Variants in PPFIBP1 observed in about 807,000 individuals in gnomAD.
PPFIBP1 encodes liprin-beta-1.
In PPFIBP1, 112 loss-of-function variants were observed where a neutral mutation model predicts 137.8. The observed-to-expected ratio is 0.81, with a 90% CI of 0.70 to 0.95. The LOEUF is 0.95. Among genes scored for constraint, PPFIBP1 ranks in the 40% least tolerant of loss-of-function variants. The pLI, the probability that PPFIBP1 is intolerant of heterozygous loss-of-function variation, is 0.00. For missense variants in PPFIBP1, 1,083 were observed against 1,196.6 expected (o/e 0.91, Z 1.40); for synonymous variants, 378 against 417.3 (o/e 0.91, Z 1.15).
intron 2 of PPFIBP1, among the ~76,000 whole-genome samples, chr12:27,602,995 G>A (rs188702702): frequency 2.0e-4 from 31 of 152,208 alleles, no homozygotes; most frequent in East Asian, 1.5e-3. Context: ...CAAATTGTTC[G>A]TATAGCTGCC....
chr12:27,613,379 A>G (rs1446619530), intron 2 of PPFIBP1, among the ~76,000 whole-genome samples: 1 of 152,182 alleles, frequency 6.6e-6, no homozygotes, highest in Non-Finnish European at 1.5e-5. Context: ...TAGATATGCT[A>G]TCAGAGCTTA....
chr12:27,585,479 C>T (rs2051627777), intron 2 of PPFIBP1, among the ~76,000 whole-genome samples: 1 of 152,108 alleles, frequency 6.6e-6, no homozygotes, highest in Non-Finnish European at 1.5e-5. Flanking sequence ...AGATGTTATC[C>T]GTTTAAATTA....
rs757687478 is a variant in PPFIBP1, at chr12:27,682,668, C to T, written c.2212C>T (p.Arg738Trp). The change falls in exon 24 of 30, where the codon CGG (arginine) becomes TGG (tryptophan). Residue 738 changes from arginine to tryptophan, a missense_variant. By Grantham distance (101) the Arg-to-Trp change is moderately radical. Coordinates refer to ENST00000228425, the MANE Select transcript of PPFIBP1 (RefSeq NM_003622.4). Reference protein sequence around the residue: ...PQYKTQFDEGRVDGRMLHYMT... With the variant: ...PQYKTQFDEGWVDGRMLHYMT... ...ATATAAGACCCAGTTTGATGAAGGACGGGTTGATGGTCGAATGCTACATTA... is the reference window on the plus strand; with the variant it reads ...ATATAAGACCCAGTTTGATGAAGGATGGGTTGATGGTCGAATGCTACATTA... The T allele has an allele frequency of 2.0e-5, 32 of 1,613,910 alleles. No individual in the cohort carries two copies. Among genetic ancestry groups the T allele is most frequent in the South Asian group, 1.1e-4 (10 of 91,084 alleles).
intron 1 of PPFIBP1, among the ~76,000 whole-genome samples, chr12:27,527,504 A>C (rs1943908619): frequency 6.6e-6 from 1 of 152,040 alleles, no homozygotes; most frequent in Non-Finnish European, 1.5e-5. Context: ...TGACCTCCCA[A>C]AGTGCTAGGA....
In PPFIBP1 at chr12:27,577,160, C is replaced by T. The variant is rs549334745; in HGVS notation, c.-123-992C>T. Among the ~76,000 whole-genome samples the T allele has an allele frequency of 5.9e-5, 9 of 152,046 alleles. No individual in the cohort carries two copies. In the South Asian group the frequency reaches 1.3e-3, roughly 21 times the overall value. ...CACACCCCCATTCATTCCTGAAATG[C>T]CATAGCCAGTAATGCATTTTATTTC... On this transcript the variant is annotated intron_variant, in intron 1 of 29. Transcript: ENST00000228425.
intron 2 of PPFIBP1, among the ~76,000 whole-genome samples, chr12:27,614,712 A>G (rs1292514014): frequency 6.6e-6 from 1 of 152,226 alleles, no homozygotes; most frequent in Non-Finnish European, 1.5e-5. Flanking sequence ...CCTGCAATGC[A>G]ATAGAGCTTT....
intron 1 of PPFIBP1, among the ~76,000 whole-genome samples, chr12:27,533,062 G>A (rs1025942213): frequency 6.6e-6 from 1 of 152,106 alleles, no homozygotes; most frequent in Non-Finnish European, 1.5e-5. Flanking sequence ...GAGAGCAGTG[G>A]CTATTCACAG....
At chr12:27,673,122 T>A (rs1020755546) in intron 15 of PPFIBP1, among the ~76,000 whole-genome samples, 7 of 152,218 alleles carry the variant, frequency 4.6e-5, no homozygotes, top group African/African-American at 1.7e-4. Context: ...TCTCTGTCAC[T>A]CTCTCTAAAC....
At chr12:27,591,478 G>A (rs1366458619) in intron 2 of PPFIBP1, among the ~76,000 whole-genome samples, 2 of 152,162 alleles carry the variant, frequency 1.3e-5, no homozygotes, top group Non-Finnish European at 2.9e-5. Flanking sequence ...ACTTGGTTAA[G>A]ATTTACTGAA....
At chr12:27,647,175 A>G (rs2058566152) in intron 5 of PPFIBP1, among the ~76,000 whole-genome samples, 1 of 151,854 alleles carries the variant, frequency 6.6e-6, no homozygotes, top group Non-Finnish European at 1.5e-5. Flanking sequence ...CTAATTTTGT[A>G]TTTTTAGTAG....
intron 4 of PPFIBP1, chr12:27,635,404 C>T (rs919342673): frequency 5.4e-6 from 3 of 552,018 alleles, no homozygotes; most frequent in Non-Finnish European, 9.6e-6. Context: ...ATCAAATAGT[C>T]CTGTAAGGGA....
chr12:27,527,590 A>G (rs1382296621), intron 1 of PPFIBP1, among the ~76,000 whole-genome samples: 2 of 152,118 alleles, frequency 1.3e-5, no homozygotes, highest in Non-Finnish European at 2.9e-5. Context: ...AGTTTGAATT[A>G]CCTTTTCAAA....
chr12:27,539,578 T>C (rs1945431244), intron 1 of PPFIBP1, among the ~76,000 whole-genome samples: 1 of 152,230 alleles, frequency 6.6e-6, no homozygotes, highest in Admixed American at 6.5e-5. Flanking sequence ...CCTTGGATTT[T>C]AAACAAAGCA....
At position 27,689,203 on chromosome 12, in the gene PPFIBP1, G is replaced by T; in HGVS notation, c.2685G>T (p.Lys895Asn). The T allele has an allele frequency of 1.3e-6, 2 of 1,559,610 alleles. No individual in the cohort carries two copies. The highest frequency in any genetic ancestry group is 1.7e-6 in the Non-Finnish European group (2 of 1,159,996). Residue 895 changes from lysine (K) to asparagine (N), a missense_variant and splice_region_variant, in exon 27 of 30, where the codon AAG becomes AAT. By Grantham distance (94) the Lys-to-Asn change is moderately conservative. Transcript: ENST00000228425. The part of the protein sequence containing the change: ...YVLLTATAKV[K>N]PKKLAFSNFG... ...TTCTAACAGCTACTGCCAAAGTGAA[G>T]GTTGGTTCAGGCTCATACGGTTTAA...
chr12:27,630,341 T>C (rs139103649), intron 2 of PPFIBP1, among the ~76,000 whole-genome samples: 1,132 of 151,276 alleles, frequency 7.5e-3, no homozygotes, highest in African/African-American at 0.026. Flanking sequence ...AAAACATTTG[T>C]GCTTGTTATG....
At chr12:27,544,043 C>G (rs114426056) in intron 1 of PPFIBP1, among the ~76,000 whole-genome samples, 3,380 of 151,540 alleles carry the variant, frequency 0.022, 126 homozygotes, top group African/African-American at 0.078. Context: ...CCATGCCCAA[C>G]TAATTTTTTG....
chr12:27,544,596 C>G (rs1194171790), intron 1 of PPFIBP1, among the ~76,000 whole-genome samples: 2 of 152,118 alleles, frequency 1.3e-5, no homozygotes, highest in African/African-American at 4.8e-5. Flanking sequence ...TGAACAGACA[C>G]TAATCAAAAG....
At chr12:27,538,479 G>A (rs1254214373) in intron 1 of PPFIBP1, among the ~76,000 whole-genome samples, 1 of 152,178 alleles carries the variant, frequency 6.6e-6, no homozygotes, top group African/African-American at 2.4e-5. Context: ...CGTAGCACTA[G>A]CATTACCTCC....
At chr12:27,632,994 G>A (rs959595608) in intron 2 of PPFIBP1, among the ~76,000 whole-genome samples, 3 of 152,148 alleles carry the variant, frequency 2.0e-5, no homozygotes, top group South Asian at 2.1e-4. Context: ...AGCAGAGATT[G>A]GGTGGGGCTG....
Sources: gnomAD v4.1 joint callset for allele counts (sites outside exome capture counted in the v4.1 genomes callset) on GRCh38, gnomAD v4.1.1 for gene constraint, MANE v1.5 for transcripts, NCBI Gene and HGNC (gene_info 2026-07-23, HGNC 2026-07-21) for gene names.